The following LRRC4C variants were observed in gnomAD, a reference collection of about 807,000 sequenced individuals.
LRRC4C encodes leucine rich repeat containing 4C.
LRRC4C carries 5 observed loss-of-function variants against 33.6 expected under a neutral mutation model. The ratio of observed to expected loss-of-function variants is 0.15; its 90% confidence interval spans 0.08 to 0.31. The LOEUF (loss-of-function observed/expected upper bound fraction) is 0.31, where lower values mean the gene tolerates loss of function less well. LRRC4C is among the 10% of genes least tolerant of loss of function. The pLI, the probability that LRRC4C is intolerant of heterozygous loss-of-function variation, is 1.00. For missense variants in LRRC4C, 560 were observed against 796.7 expected, an observed-to-expected ratio of 0.70 and a Z score of 3.58; for synonymous variants, 329 against 302.0, an observed-to-expected ratio of 1.09 and a Z score of -0.93.
intron 1 of LRRC4C, among the ~76,000 whole-genome samples, chr11:41,279,806 TC>T (rs1159223594): frequency 6.6e-6 from 1 of 152,126 alleles, no homozygotes; most frequent in Admixed American, 6.6e-5. Context: ...GAGTACCATA[TC>T]CCTGCAGAAC....
intron 1 of LRRC4C, among the ~76,000 whole-genome samples, chr11:41,302,806 G>A (rs1950322635): frequency 6.6e-6 from 1 of 152,076 alleles, no homozygotes; most frequent in African/African-American, 2.4e-5. Context: ...CGTGATCTAA[G>A]TCTTTGACTT....
At chr11:41,229,891 C>T (rs549474002) in intron 1 of LRRC4C, among the ~76,000 whole-genome samples, 42 of 152,144 alleles carry the variant, frequency 2.8e-4, no homozygotes, top group African/African-American at 9.6e-4. Flanking sequence ...TAAAAGCTCT[C>T]GTTTCTTGTT....
At chr11:40,941,384 G>A (rs1958138148) in intron 1 of LRRC4C, among the ~76,000 whole-genome samples, 1 of 152,016 alleles carries the variant, frequency 6.6e-6, no homozygotes, top group African/African-American at 2.4e-5. Flanking sequence ...TAGATTTTAT[G>A]TTAAATATAG....
At chr11:40,927,370 A>G (rs1957446020) in intron 2 of LRRC4C, among the ~76,000 whole-genome samples, 1 of 152,076 alleles carries the variant, frequency 6.6e-6, no homozygotes, top group African/African-American at 2.4e-5. Flanking sequence ...ACTGTGACTC[A>G]AAAAATAAAA....
At chr11:40,357,168 T>G (rs891539770) in intron 3 of LRRC4C, among the ~76,000 whole-genome samples, 1 of 152,148 alleles carries the variant, frequency 6.6e-6, no homozygotes, top group African/African-American at 2.4e-5. Flanking sequence ...GGGCAAGAAT[T>G]TTAAAGACCA....
rs114299465 is a variant in LRRC4C, at chr11:40,336,479, G to C, written c.-269-16758C>G. On this transcript the variant is annotated intron_variant, in intron 3 of 6. Coordinates refer to ENST00000528697, the MANE Select transcript of LRRC4C (RefSeq NM_001258419.2). ...GTCTTTATTCCTGAATGACTGTATG[G>C]AGCAGATCCCCAGCCTCATCTCACT... 4.8e-3 allele frequency among the ~76,000 whole-genome samples: 727 copies of C among 152,208 alleles called. 5 individuals are homozygous for C. The highest frequency in any genetic ancestry group is 0.014 in the African/African-American group (588 of 41,510).
chr11:40,332,955 T>C (rs1035378534), intron 3 of LRRC4C, among the ~76,000 whole-genome samples: 6 of 152,212 alleles, frequency 3.9e-5, no homozygotes, highest in South Asian at 4.1e-4. Context: ...GTAAGTTATT[T>C]AAACGCAGGG....
At chr11:41,023,781 AT>A (rs2137713843) in intron 1 of LRRC4C, among the ~76,000 whole-genome samples, 2 of 151,988 alleles carry the variant, frequency 1.3e-5, no homozygotes, top group Admixed American at 1.3e-4. Context: ...GTTGAAAAAT[AT>A]TGTACTTATC....
At chr11:40,704,719 C>T (rs1039439510) in intron 2 of LRRC4C, among the ~76,000 whole-genome samples, 3 of 152,078 alleles carry the variant, frequency 2.0e-5, no homozygotes, top group African/African-American at 4.8e-5. Flanking sequence ...AAGTAACATA[C>T]GTCAAGTGCT....
chr11:40,608,601 T>G (rs1960880073), intron 3 of LRRC4C, among the ~76,000 whole-genome samples: 1 of 152,096 alleles, frequency 6.6e-6, no homozygotes, highest in African/African-American at 2.4e-5. Flanking sequence ...GAGTGGCTAA[T>G]TGATTAACAA....
chr11:41,001,022 A>G (rs1854336805), intron 1 of LRRC4C, among the ~76,000 whole-genome samples: 1 of 152,200 alleles, frequency 6.6e-6, no homozygotes, highest in African/African-American at 2.4e-5. Flanking sequence ...ATCTAAAAGT[A>G]TAGAAAAATA....
intron 1 of LRRC4C, among the ~76,000 whole-genome samples, chr11:41,085,567 A>G (rs1347831829): frequency 6.6e-6 from 1 of 152,156 alleles, no homozygotes; most frequent in Non-Finnish European, 1.5e-5. Flanking sequence ...CTCAATGCCT[A>G]GTCTGTGCTT....
intron 1 of LRRC4C, among the ~76,000 whole-genome samples, chr11:41,224,252 A>T (rs1304966521): frequency 6.6e-6 from 1 of 152,180 alleles, no homozygotes; most frequent in Non-Finnish European, 1.5e-5. Flanking sequence ...CCTTGAAGGT[A>T]TTTGATAGAA....
chr11:40,769,817 C>T (rs1436591638), intron 2 of LRRC4C, among the ~76,000 whole-genome samples: 5 of 152,108 alleles, frequency 3.3e-5, no homozygotes, highest in African/African-American at 7.2e-5. Flanking sequence ...TTGCCATATA[C>T]AAAAATCAAA....
chr11:40,737,496 A>G (rs1947935543), intron 2 of LRRC4C, among the ~76,000 whole-genome samples: 1 of 152,164 alleles, frequency 6.6e-6, no homozygotes, highest in African/African-American at 2.4e-5. Context: ...AAATCTCCTT[A>G]AGCTGATAAG....
intron 3 of LRRC4C, among the ~76,000 whole-genome samples, chr11:40,588,557 A>C (rs1042639777): frequency 6.6e-5 from 10 of 150,932 alleles, no homozygotes; most frequent in African/African-American, 2.4e-4. Context: ...TAGTTCTTTT[A>C]ATTGTGATGT....
chr11:41,116,496 T>G (rs1476378917), intron 1 of LRRC4C, among the ~76,000 whole-genome samples: 4 of 152,160 alleles, frequency 2.6e-5, no homozygotes. Context: ...GTAGTATTGT[T>G]GCAGGAAGGC....
intron 3 of LRRC4C, among the ~76,000 whole-genome samples, chr11:40,585,456 G>A (rs1958680126): frequency 6.7e-6 from 1 of 150,206 alleles, no homozygotes; most frequent in Admixed American, 6.7e-5. Flanking sequence ...TGTGTTTACT[G>A]AAATTTGAAT....
chr11:40,297,694 G>T (rs1944580892), intron 4 of LRRC4C, among the ~76,000 whole-genome samples: 1 of 151,570 alleles, frequency 6.6e-6, no homozygotes, highest in Non-Finnish European at 1.5e-5. Flanking sequence ...TTTAACATTT[G>T]TTTTAATAAC....
Sources: gnomAD v4.1 joint callset for allele counts (sites outside exome capture counted in the v4.1 genomes callset) on GRCh38, gnomAD v4.1.1 for gene constraint, MANE v1.5 for transcripts, NCBI Gene and HGNC (gene_info 2026-07-23, HGNC 2026-07-21) for gene names.